The following CDH7 variants were observed in gnomAD, a reference collection of about 807,000 sequenced individuals.
CDH7 encodes the protein cadherin 7.
A neutral mutation model predicts 71.8 loss-of-function variants in CDH7; 25 were observed. That is an observed-to-expected ratio of 0.35 (90% CI 0.25 to 0.49). The LOEUF (loss-of-function observed/expected upper bound fraction) is 0.49, where lower values mean the gene tolerates loss of function less well. CDH7 is among the 20% of genes least tolerant of loss of function. The pLI, the probability that CDH7 is intolerant of heterozygous loss-of-function variation, is 0.99. For missense variants in CDH7, 862 were observed against 974.6 expected (o/e 0.88, Z 1.54); for synonymous variants, 381 against 363.8 (o/e 1.05, Z -0.54).
intron 6 of CDH7, among the ~76,000 whole-genome samples, chr18:65,842,906 G>C (rs896465321): frequency 2.0e-5 from 3 of 150,192 alleles, no homozygotes; most frequent in Non-Finnish European, 4.4e-5. Context: ...AATGTAAAAA[G>C]AATTTGGGGA....
intron 2 of CDH7, among the ~76,000 whole-genome samples, chr18:65,775,871 C>T (rs892161165): frequency 6.6e-6 from 1 of 152,106 alleles, no homozygotes; most frequent in South Asian, 2.1e-4. Flanking sequence ...CTTGTTCTCT[C>T]GTCTATCAAA....
chr18:65,764,060 T>C (rs1473435265), intron 2 of CDH7, among the ~76,000 whole-genome samples: 1 of 152,120 alleles, frequency 6.6e-6, no homozygotes, highest in Non-Finnish European at 1.5e-5. Context: ...TTTGTCTTCC[T>C]GGTAAAATGA....
At chr18:65,860,324 G>T (rs1392079823) in intron 10 of CDH7, among the ~76,000 whole-genome samples, 2 of 152,114 alleles carry the variant, frequency 1.3e-5, no homozygotes, top group East Asian at 1.9e-4. Flanking sequence ...ACATATTTAT[G>T]ATGCTAAGAA....
intron 8 of CDH7, among the ~76,000 whole-genome samples, 153 bp downstream of exon 8, chr18:65,858,105 C>T (rs1171762917): frequency 2.6e-5 from 4 of 152,120 alleles, no homozygotes; most frequent in Non-Finnish European, 4.4e-5. Flanking sequence ...GTGAAATATA[C>T]TTATCTTCAC....
chr18:65,843,917 A>G lies in CDH7; in HGVS notation c.1087A>G (p.Thr363Ala). Residue 363 changes from threonine to alanine, a missense_variant, in exon 7 of 12, where the codon ACT becomes GCT. Thr to Ala is a moderately conservative substitution (Grantham distance 58). Transcript: ENST00000397968. ...CTTGGGTCCGTTCAGTGACACGACA[A>G]CTGTGAAGATAATTGTGGAAGATGT... Reference protein sequence around the residue: ...LSLGPFSDTTTVKIIVEDVDE... With the variant: ...LSLGPFSDTTAVKIIVEDVDE... The G allele has an allele frequency of 6.2e-7, 1 of 1,609,304 alleles. No homozygotes were observed. Among genetic ancestry groups the G allele is most frequent in the Non-Finnish European group, 8.5e-7 (1 of 1,177,044 alleles).
rs1913741611 is a variant in CDH7 at position 65,866,018 on chromosome 18, GGCCGGGCGCGGTGGCTCACGCCTGT to G, written c.1864+3102_1864+3126del. 2.1e-5 allele frequency: 2 copies of G among 94,812 alleles called. 1 individual carries two copies. Among genetic ancestry groups the G allele is most frequent in the African/African-American group, 7.4e-5 (2 of 26,896 alleles). The allele number at this position is 94,812 out of a possible 1,614,324, so 5.9% of individuals were successfully genotyped here. ...AAGTTCAATTAAGAATGAAACTATAGGCCGGGCGCGGTGGCTCACGCCTGTAATCCCAGCACTTTGGGAGGCCGAG... is the reference window on the plus strand; with the variant it reads ...AAGTTCAATTAAGAATGAAACTATAGAATCCCAGCACTTTGGGAGGCCGAG... On this transcript the variant is annotated intron_variant, in intron 11 of 11. Transcript: ENST00000397968.
At chr18:65,829,300 A>G (rs975811340) in intron 6 of CDH7, among the ~76,000 whole-genome samples, 1 of 151,894 alleles carries the variant, frequency 6.6e-6, no homozygotes. Flanking sequence ...TTGTATTTTT[A>G]GTAGAGACGG....
Position 65,822,245 on chromosome 18 carries a change from C to A in CDH7, c.790C>A (p.Arg264=). ...DVNDNPPRFP[R]RSYQYNVPES... ...CAACGATAATCCACCTCGCTTTCCT[C>A]GAAGTAAGTTGTTTTCTTAAGTGAC... is the stretch of plus-strand genomic sequence containing the variant. The change falls in exon 5 of 12, where the codon CGA becomes AGA. Residue 264 remains arginine (R), a synonymous_variant. Transcript: ENST00000397968. 6.2e-7 allele frequency: 1 copy of A among 1,604,036 alleles called. No homozygotes were observed.
chr18:65,841,110 C>T (rs1281146899), intron 6 of CDH7, among the ~76,000 whole-genome samples: 6 of 151,940 alleles, frequency 3.9e-5, no homozygotes, highest in Admixed American at 3.9e-4. Context: ...GAAGCAATTC[C>T]TTTTGTCTGT....
At chr18:65,809,616 C>T (rs1427142948) in intron 2 of CDH7, 88 bp from the exon 3 acceptor site, 4 of 1,115,290 alleles carry the variant, frequency 3.6e-6, no homozygotes, top group East Asian at 2.4e-5. Context: ...TTCATGTACT[C>T]CTGCCTGACA....
intron 7 of CDH7, among the ~76,000 whole-genome samples, chr18:65,857,042 A>AATAACAGG (rs1913384595): frequency 1.3e-5 from 2 of 151,682 alleles, no homozygotes; most frequent in Non-Finnish European, 2.9e-5. Flanking sequence ...AAAGAGGGTT[A>AATAACAGG]ATAACAGGTT....
At chr18:65,858,791 G>T (rs550445984) in intron 8 of CDH7, 134 bp from the exon 9 acceptor site, 2 of 726,708 alleles carry the variant, frequency 2.8e-6, no homozygotes, top group South Asian at 2.0e-5. Context: ...TCATATTTTC[G>T]TATTTTCTAT....
chr18:65,762,033 G>A lies in CDH7; in HGVS notation c.-196-614G>A, dbSNP rs186516132. ...TGCTACACAGCATACATGACAATAA[G>A]TTCAAAGAGTGGAAAATGGAAACTA... On this transcript the variant is annotated intron_variant, in intron 1 of 11. Coordinates refer to ENST00000397968, the MANE Select transcript of CDH7 (RefSeq NM_004361.5). Among the ~76,000 whole-genome samples, 4 of 152,282 alleles carry A rather than the reference G, an allele frequency of 2.6e-5. No homozygotes were observed. The East Asian group carries it at 7.7e-4, about 29-fold the overall frequency.
chr18:65,866,321 A>AAAC (rs1183205788), intron 11 of CDH7: 3 of 5,460 alleles, frequency 5.5e-4, no homozygotes, highest in Non-Finnish European at 7.7e-4. Flanking sequence ...AAAACAAAAA[A>AAAC]AAAAAAAAAC....
intron 11 of CDH7, among the ~76,000 whole-genome samples, chr18:65,868,094 A>C (rs964472411): frequency 2.0e-5 from 3 of 152,162 alleles, no homozygotes; most frequent in Non-Finnish European, 2.9e-5. Context: ...ATGTAAAAAA[A>C]TGGATCCCCA....
At chr18:65,773,427 A>C (rs193132652) in intron 2 of CDH7, among the ~76,000 whole-genome samples, 1 of 152,272 alleles carries the variant, frequency 6.6e-6, no homozygotes, top group Admixed American at 6.5e-5. Flanking sequence ...GTTCCTGAAT[A>C]CAGAAATTCT....
intron 2 of CDH7, among the ~76,000 whole-genome samples, chr18:65,778,449 A>G (rs1479759066): frequency 6.6e-6 from 1 of 150,570 alleles, no homozygotes; most frequent in Admixed American, 6.6e-5. Flanking sequence ...CCATCCTTCA[A>G]TTCTCCTCTT....
intron 3 of CDH7, among the ~76,000 whole-genome samples, chr18:65,812,157 T>C (rs575951424): frequency 6.6e-6 from 1 of 151,892 alleles, no homozygotes; most frequent in South Asian, 2.1e-4. Flanking sequence ...TTACTAGAAA[T>C]GGGGTTTCAC....
At chr18:65,751,527 T>C (rs1915877191) in intron 1 of CDH7, among the ~76,000 whole-genome samples, 3 of 152,122 alleles carry the variant, frequency 2.0e-5, no homozygotes, top group African/African-American at 7.2e-5. Flanking sequence ...AACCTCGGAC[T>C]GATGGGGGCA....
Sources: allele counts gnomAD v4.1 joint callset (sites outside exome capture counted in the v4.1 genomes callset), GRCh38; gene constraint gnomAD v4.1.1; transcripts MANE v1.5; gene names NCBI Gene and HGNC (gene_info 2026-07-23, HGNC 2026-07-21).